UNC5B: variants seen among roughly 807,000 people sequenced by gnomAD.
The protein encoded by UNC5B is netrin receptor UNC5B.
A neutral mutation model predicts 103.7 loss-of-function variants in UNC5B; 56 were observed. The observed-to-expected ratio is 0.54, with a 90% CI of 0.44 to 0.67. The LOEUF is 0.67. Ranked by LOEUF, UNC5B falls within the 30% of genes least tolerant of loss-of-function variation. UNC5B has a pLI of 0.00. For missense variants in UNC5B, 1,194 were observed against 1,284.5 expected (o/e 0.93, Z 1.08); for synonymous variants, 577 against 542.0 (o/e 1.06, Z -0.90).
intron 1 of UNC5B, among the ~76,000 whole-genome samples, chr10:71,256,983 G>A (rs1435080769): frequency 2.6e-5 from 4 of 152,308 alleles, no homozygotes; most frequent in East Asian, 1.9e-4. Flanking sequence ...GCAGGAAGAC[G>A]ACAGTCATGG....
At chr10:71,216,865 T>G (rs1843340347) in intron 1 of UNC5B, among the ~76,000 whole-genome samples, 1 of 152,180 alleles carries the variant, frequency 6.6e-6, no homozygotes, top group Non-Finnish European at 1.5e-5. Context: ...ACCAGGTTAG[T>G]GATTCTGAAT....
At chr10:71,274,083 C>T (rs1164896288) in intron 1 of UNC5B, among the ~76,000 whole-genome samples, 1 of 152,214 alleles carries the variant, frequency 6.6e-6, no homozygotes, top group Admixed American at 6.5e-5. Flanking sequence ...GAATTCTAGG[C>T]TGGGTGCGGT....
rs1246389502 is a variant in UNC5B, at chr10:71,302,701, G to A, written c.*3424G>A. 1 of 152,042 alleles carries A rather than the reference G, an allele frequency of 6.6e-6. No homozygotes were observed. The highest frequency in any genetic ancestry group is 1.5e-5 in the Non-Finnish European group (1 of 68,010). 9.4% of individuals were successfully genotyped at this position (152,042 alleles called of 1,614,324 possible). On this transcript the variant is annotated 3_prime_UTR_variant, in exon 17 of 17. Transcript: ENST00000335350. ...GGGCTGGACCCCTGCCAGGTCTGTGGACATGGTTATATGCCCGGGAGAGGG... is the reference window on the plus strand; with the variant it reads ...GGGCTGGACCCCTGCCAGGTCTGTGAACATGGTTATATGCCCGGGAGAGGG...
At chr10:71,277,459 C>G (rs1589187597) in intron 1 of UNC5B, among the ~76,000 whole-genome samples, 1 of 152,242 alleles carries the variant, frequency 6.6e-6, no homozygotes, top group East Asian at 1.9e-4. Context: ...GGGCATGGAG[C>G]CTGGCAGGTT....
chr10:71,259,659 C>T (rs1844369575), intron 1 of UNC5B, among the ~76,000 whole-genome samples: 1 of 152,204 alleles, frequency 6.6e-6, no homozygotes. Flanking sequence ...ACATACATGA[C>T]TCTGTTTACC....
rs1459664496 is a variant in UNC5B, at chr10:71,293,423, C to T, written c.1791C>T (p.Thr597=). The change falls in exon 12 of 17, where the codon ACC becomes ACT. Residue 597 remains threonine (T), a synonymous_variant. Coordinates refer to ENST00000335350, the MANE Select transcript of UNC5B (RefSeq NM_170744.5). Reference sequence around the variant, plus strand: ...CCTCCAGCCCGCTTTCAGAAGGGACCCAGACAGTATTGAGCCCCTCGGTGA... The same window carrying T: ...CCTCCAGCCCGCTTTCAGAAGGGACTCAGACAGTATTGAGCCCCTCGGTGA... ...AESTLPLSEG[T]QTVLSPSVTC... is the part of the protein sequence containing the mutation. The T allele has an allele frequency of 2.5e-6, 4 of 1,613,634 alleles. No individual in the cohort carries two copies. Among genetic ancestry groups the T allele is most frequent in the Non-Finnish European group, 3.4e-6 (4 of 1,179,824 alleles).
At chr10:71,288,513 CTA>C (rs968725486) in intron 6 of UNC5B, 53 bp from the exon 7 acceptor site, 85 of 1,575,240 alleles carry the variant, frequency 5.4e-5, no homozygotes, top group Non-Finnish European at 7.0e-5. Flanking sequence ...GCACACATAA[CTA>C]TGTGTGCACA....
intron 1 of UNC5B, among the ~76,000 whole-genome samples, chr10:71,227,701 C>CAT (rs1564707092): frequency 9.5e-5 from 11 of 115,588 alleles, no homozygotes; most frequent in African/African-American, 4.2e-4. Flanking sequence ...TATATATACA[C>CAT]ACATATACAC....
chr10:71,263,785 A>C (rs1056501119), intron 1 of UNC5B, among the ~76,000 whole-genome samples: 1 of 152,104 alleles, frequency 6.6e-6, no homozygotes, highest in Non-Finnish European at 1.5e-5. Context: ...CCCCTCTCCC[A>C]GGGGCTGGGC....
chr10:71,240,802 A>G (rs899713104), intron 1 of UNC5B, among the ~76,000 whole-genome samples: 1 of 152,224 alleles, frequency 6.6e-6, no homozygotes, highest in African/African-American at 2.4e-5. Flanking sequence ...CCTGTGGCTG[A>G]GAAACCAAAA....
rs1331348790 is a variant in UNC5B, at chr10:71,213,686, T to TTATTAC, written c.79+627_79+628insCTATTA. ...CGCAGGTCTGGAAGAATTATTATTA[T>TTATTAC]TATTATTATTATTATTATTATTAAT... On this transcript the variant is annotated intron_variant, in intron 1 of 16. Coordinates refer to ENST00000335350, the MANE Select transcript of UNC5B (RefSeq NM_170744.5). The surrounding 1 kb of genome is among the most constrained non-coding windows in gnomAD (Gnocchi z 4.1). 6.8e-6 allele frequency among the ~76,000 whole-genome samples: 1 copy of TTATTAC among 146,386 alleles called. No individual in the cohort carries two copies. The highest frequency in any genetic ancestry group is 1.5e-5 in the Non-Finnish European group (1 of 66,816).
At chr10:71,285,197 A>C (rs6480503) in intron 3 of UNC5B, 129 bp from the exon 4 acceptor site, 1 of 1,007,920 alleles carries the variant, frequency 9.9e-7, no homozygotes, top group Non-Finnish European at 1.5e-6. Context: ...GAAATTTCCC[A>C]GGCAAAGGCC....
At position 71,302,138 on chromosome 10, in the gene UNC5B, G is replaced by C. The variant is rs1426595733; in HGVS notation, c.*2861G>C. ...GGCTGCCTGCCTCCGGGGTGGGATG[G>C]GTGGTTTCTCCTCCAATTCAGACCC... On this transcript the variant is annotated 3_prime_UTR_variant, in exon 17 of 17. Coordinates refer to ENST00000335350, the MANE Select transcript of UNC5B (RefSeq NM_170744.5). 4 of 152,292 alleles carry C rather than the reference G, an allele frequency of 2.6e-5. No homozygotes were observed. Among genetic ancestry groups the C allele is most frequent in the Admixed American group, 2.0e-4 (3 of 15,290 alleles). The allele number at this position is 152,292 out of a possible 1,614,324, so 9.4% of individuals were successfully genotyped here. A position where few individuals can be genotyped will look rare whatever the true frequency, so the allele number is the denominator to read the frequency against.
At chr10:71,266,562 C>T (rs999563692) in intron 1 of UNC5B, among the ~76,000 whole-genome samples, 2 of 152,228 alleles carry the variant, frequency 1.3e-5, no homozygotes, top group African/African-American at 2.4e-5. Flanking sequence ...ATCCGCCCCA[C>T]ACGAGTCTGT....
At chr10:71,292,442 C>G (rs1226417295) in intron 10 of UNC5B, 25 bp from the exon 11 acceptor site, 4 of 1,567,284 alleles carry the variant, frequency 2.6e-6, no homozygotes, top group South Asian at 1.2e-5. Flanking sequence ...TCCTGGACTC[C>G]CTGCTGACTT....
At chr10:71,291,881 C>T (rs982111939) in intron 10 of UNC5B, 60 bp downstream of exon 10, 6 of 1,517,804 alleles carry the variant, frequency 4.0e-6, no homozygotes, top group Non-Finnish European at 5.3e-6. Context: ...GTGGACTGCC[C>T]CAACACCCAT....
Position 71,291,117 on chromosome 10 carries a change from C to A in UNC5B, c.1294+8C>A, listed in dbSNP as rs769876078. ...TTAAGACGGCAAGGCCCAGTAAGAA[C>A]CCGAGGATGTCTGGGGTGGTTGGCA... On this transcript the variant is annotated splice_region_variant and intron_variant, in intron 9 of 16. Transcript: ENST00000335350. The A allele has an allele frequency of 1.2e-6, 2 of 1,609,342 alleles. No individual in the cohort carries two copies. The highest frequency in any genetic ancestry group is 1.7e-5 in the Admixed American group (1 of 59,818).
chr10:71,293,305 C>T, intron 11 of UNC5B, 100 bp from the exon 12 acceptor site: 1 of 1,395,098 alleles, frequency 7.2e-7, no homozygotes, highest in Non-Finnish European at 9.6e-7. Flanking sequence ...AAGAGCTGCC[C>T]TCCACCTCCC....
In UNC5B at chr10:71,300,850, C is replaced by T. The variant is rs1220116472; in HGVS notation, c.*1573C>T. Reference sequence around the variant, plus strand: ...TGATCTCCACAGGCACCTCCTATAACCCTCCTCTCACCCACCCCGCTACGG... The same window carrying T: ...TGATCTCCACAGGCACCTCCTATAATCCTCCTCTCACCCACCCCGCTACGG... On this transcript the variant is annotated 3_prime_UTR_variant, in exon 17 of 17. Coordinates refer to ENST00000335350, the MANE Select transcript of UNC5B (RefSeq NM_170744.5). 1 of 152,294 alleles carries T rather than the reference C, an allele frequency of 6.6e-6. No individual in the cohort carries two copies. The highest frequency in any genetic ancestry group is 2.4e-5 in the African/African-American group (1 of 41,448). The allele number at this position is 152,294 out of a possible 1,614,324, so 9.4% of individuals were successfully genotyped here.
Sources: allele counts gnomAD v4.1 joint callset (sites outside exome capture counted in the v4.1 genomes callset), GRCh38; gene constraint gnomAD v4.1.1; non-coding constraint Gnocchi (gnomAD v3.1); transcripts MANE v1.5; gene names NCBI Gene and HGNC (gene_info 2026-07-23, HGNC 2026-07-21).